The following WAC variants were observed in gnomAD, a reference collection of about 807,000 sequenced individuals.
WAC encodes the protein WW domain containing adaptor with coiled-coil, also known as WW domain-containing adapter protein with coiled-coil.
In WAC, 11 loss-of-function variants were observed where a neutral mutation model predicts 79.6. That is an observed-to-expected ratio of 0.14 (90% confidence interval 0.09 to 0.23). The LOEUF (loss-of-function observed/expected upper bound fraction) is 0.23, where lower values mean the gene tolerates loss of function less well. Ranked by LOEUF, WAC falls within the 10% of genes least tolerant of loss-of-function variation. The pLI is 1.00. For missense variants in WAC, 728 were observed against 773.5 expected (o/e 0.94, Z 0.70); for synonymous variants, 304 against 276.9 (o/e 1.10, Z -0.97).
chr10:28,545,219 C>T (rs1837288813), intron 3 of WAC, among the ~76,000 whole-genome samples: 1 of 152,074 alleles, frequency 6.6e-6, no homozygotes, highest in Admixed American at 6.6e-5. Context: ...AGGCCGGGCA[C>T]AGTGGGTCAT....
intron 4 of WAC, among the ~76,000 whole-genome samples, chr10:28,588,102 C>T (rs1839913852): frequency 6.6e-6 from 1 of 152,182 alleles, no homozygotes; most frequent in Non-Finnish European, 1.5e-5. Flanking sequence ...CATTCTACCT[C>T]TTCAGTTCAG....
At chr10:28,560,907 G>A (rs1029060179) in intron 3 of WAC, among the ~76,000 whole-genome samples, 1 of 152,192 alleles carries the variant, frequency 6.6e-6, no homozygotes, top group Non-Finnish European at 1.5e-5. Flanking sequence ...GTGTTACTAT[G>A]TTGAGGAGGC....
chr10:28,560,950 GAGA>G (rs923977868), intron 3 of WAC, among the ~76,000 whole-genome samples: 9 of 152,180 alleles, frequency 5.9e-5, no homozygotes, highest in Non-Finnish European at 8.8e-5. Flanking sequence ...AAATGAGACC[GAGA>G]AGGAGTGGCA....
chr10:28,571,082 C>T (rs773356087), intron 3 of WAC, among the ~76,000 whole-genome samples: 44 of 147,226 alleles, frequency 3.0e-4, no homozygotes, highest in South Asian at 2.0e-3. Flanking sequence ...TTGGCCTCTT[C>T]GAGTAGCTGG....
chr10:28,601,695 A>T (rs2132748823), intron 7 of WAC, among the ~76,000 whole-genome samples: 1 of 152,322 alleles, frequency 6.6e-6, no homozygotes, highest in Non-Finnish European at 1.5e-5. Context: ...TGATACATAG[A>T]CTAACAATAC....
chr10:28,593,237 A>G (rs1043504501), intron 6 of WAC, among the ~76,000 whole-genome samples: 1 of 152,130 alleles, frequency 6.6e-6, no homozygotes, highest in Non-Finnish European at 1.5e-5. Flanking sequence ...CCATTCAAGT[A>G]TTTAACTTAG....
At chr10:28,542,435 A>G (rs775225093) in intron 3 of WAC, among the ~76,000 whole-genome samples, 8 of 152,206 alleles carry the variant, frequency 5.3e-5, no homozygotes, top group Non-Finnish European at 1.0e-4. Context: ...GTAACCAAAA[A>G]CATTGTCAGT....
chr10:28,565,185 C>A (rs332132), intron 3 of WAC, among the ~76,000 whole-genome samples: 126,304 of 152,200 alleles, frequency 0.83, 52,490 homozygotes, highest in East Asian at 0.94. Context: ...GTTTGAATGT[C>A]CCACAATTTG....
chr10:28,552,688 G>A (rs1564380617), intron 3 of WAC, among the ~76,000 whole-genome samples: 1 of 152,056 alleles, frequency 6.6e-6, no homozygotes, highest in Non-Finnish European at 1.5e-5. Context: ...TGGATATTAT[G>A]TATCATTTAG....
chr10:28,549,960 C>G (rs1015990809), intron 3 of WAC, among the ~76,000 whole-genome samples: 1 of 152,186 alleles, frequency 6.6e-6, no homozygotes, highest in East Asian at 1.9e-4. Context: ...GTCAGAAATT[C>G]AAGACCAGCC....
intron 7 of WAC, among the ~76,000 whole-genome samples, chr10:28,607,098 A>G (rs974137330): frequency 1.3e-5 from 2 of 152,092 alleles, no homozygotes; most frequent in African/African-American, 2.4e-5. Context: ...ACATTTTTCT[A>G]TTGGGCAGTT....
chr10:28,533,270 A>G lies in WAC; in HGVS notation c.-310A>G, dbSNP rs539776832. 62 of 158,766 alleles carry G rather than the reference A, an allele frequency of 3.9e-4. No individual in the cohort carries two copies. The East Asian group carries it at 6.6e-3, about 17-fold the overall frequency. 9.8% of individuals were successfully genotyped at this position (158,766 alleles called of 1,614,324 possible). ...GGAGGCGGCGGAGCAGGAGGAGGAG[A>G]AGGCGGAGGAGGCAGTCGCTCTCCG... On this transcript the variant is annotated 5_prime_UTR_variant, in exon 1 of 14. Coordinates refer to ENST00000354911, the MANE Select transcript of WAC (RefSeq NM_016628.5).
At chr10:28,566,850 T>G (rs1838645702) in intron 3 of WAC, among the ~76,000 whole-genome samples, 1 of 152,120 alleles carries the variant, frequency 6.6e-6, no homozygotes, top group South Asian at 2.1e-4. Flanking sequence ...TTTCAGTTCT[T>G]TATTTTTGCT....
chr10:28,556,388 A>ATT (rs764934182), intron 3 of WAC, among the ~76,000 whole-genome samples: 15,834 of 54,454 alleles, frequency 0.29, 4,030 homozygotes, highest in African/African-American at 0.34. Context: ...TGCCCATTAA[A>ATT]TTTTTTTTTT....
Position 28,603,940 on chromosome 10 carries a change from A to T in WAC, c.920-4246A>T, listed in dbSNP as rs1260247915. 2.7e-4 allele frequency among the ~76,000 whole-genome samples: 7 copies of T among 25,904 alleles called. 1 individual carries two copies. The highest frequency in any genetic ancestry group is 9.4e-4 in the African/African-American group (5 of 5,320). 17.0% of individuals were successfully genotyped at this position (25,904 alleles called of 152,430 possible). A position where few individuals can be genotyped will look rare whatever the true frequency, so the allele number is the denominator to read the frequency against. On this transcript the variant is annotated intron_variant, in intron 7 of 13. Coordinates refer to ENST00000354911, the MANE Select transcript of WAC (RefSeq NM_016628.5). ...CAGAGCAAGACTCCGTCTCAAAAAAAAAATATATATATGTATGTATGTATA... is the reference window on the plus strand; with the variant it reads ...CAGAGCAAGACTCCGTCTCAAAAAATAAATATATATATGTATGTATGTATA...
intron 3 of WAC, among the ~76,000 whole-genome samples, chr10:28,567,639 A>G (rs1386185349): frequency 6.6e-6 from 1 of 152,198 alleles, no homozygotes; most frequent in Non-Finnish European, 1.5e-5. Context: ...GTTTATTGGT[A>G]CAGATGACCC....
At chr10:28,595,154 C>T (rs1283978099) in intron 6 of WAC, among the ~76,000 whole-genome samples, 1 of 152,182 alleles carries the variant, frequency 6.6e-6, no homozygotes, top group Non-Finnish European at 1.5e-5. Flanking sequence ...GGTTTACTTA[C>T]TGTGTTCACA....
chr10:28,547,915 C>CTTTTTTTTTTTTTTTTTTT (rs11408560), intron 3 of WAC, among the ~76,000 whole-genome samples: 3 of 132,326 alleles, frequency 2.3e-5, no homozygotes, highest in East Asian at 4.4e-4. Context: ...TTCTCTTTTT[C>CTTTTTTTTTTTTTTTTTTT]TTTTTTTTTT....
At chr10:28,609,904 A>C (rs914480558) in intron 8 of WAC, among the ~76,000 whole-genome samples, 7 of 151,966 alleles carry the variant, frequency 4.6e-5, no homozygotes, top group African/African-American at 1.7e-4. Flanking sequence ...TACACATCAA[A>C]AATACATGGT....
Sources: gnomAD v4.1 joint callset for allele counts (sites outside exome capture counted in the v4.1 genomes callset) on GRCh38, gnomAD v4.1.1 for gene constraint, MANE v1.5 for transcripts, NCBI Gene and HGNC (gene_info 2026-07-23, HGNC 2026-07-21) for gene names.